The following CAMTA1 variants were observed in gnomAD, a reference collection of about 807,000 sequenced individuals.
The protein encoded by CAMTA1 is calmodulin binding transcription activator 1, also known as calmodulin-binding transcription activator 1.
A neutral mutation model predicts 170.9 loss-of-function variants in CAMTA1; 27 were observed. That is an observed-to-expected ratio of 0.16 (90% CI 0.12 to 0.22). The LOEUF is 0.22. Ranked by LOEUF, CAMTA1 falls within the 10% of genes least tolerant of loss-of-function variation. CAMTA1 has a pLI of 1.00. For synonymous variants in CAMTA1, 833 were observed against 891.5 expected (o/e 0.93, Z 1.17); for missense variants, 1,619 against 2,217.2 (o/e 0.73, Z 5.42).
rs1216032172 is a variant in CAMTA1 at position 7,668,421 on chromosome 1, ACACACACACACC to A, written c.2653-2486_2653-2475del. ...CACACACACACACACACACACACAC[ACACACACACACC>A]CACCACACACCCCAGAGGCGTCCCC... On this transcript the variant is annotated intron_variant, in intron 9 of 22. Transcript: ENST00000303635. 7.7e-3 allele frequency among the ~76,000 whole-genome samples: 1,098 copies of A among 142,728 alleles called. 15 individuals are homozygous for A. Among genetic ancestry groups the A allele is most frequent in the African/African-American group, 0.028 (1,003 of 35,744 alleles). 93.6% of individuals were successfully genotyped at this position (142,728 alleles called of 152,430 possible).
chr1:7,295,149 G>T lies in CAMTA1; in HGVS notation c.438+45523G>T, dbSNP rs566202958. Among the ~76,000 whole-genome samples the T allele has an allele frequency of 1.3e-4, 20 of 152,018 alleles. No homozygotes were observed. The South Asian group carries it at 3.5e-3, about 27-fold the overall frequency. On this transcript the variant is annotated intron_variant, in intron 5 of 22. Coordinates refer to ENST00000303635, the MANE Select transcript of CAMTA1 (RefSeq NM_015215.4). ...AGTTATGTAACCTTCTGGCTTTGGG[G>T]TTTTTTTTGTTGTAAACAGGGACCC...
intron 5 of CAMTA1, among the ~76,000 whole-genome samples, chr1:7,440,160 C>G (rs1187497804): frequency 6.6e-6 from 1 of 152,282 alleles, no homozygotes; most frequent in Non-Finnish European, 1.5e-5. Flanking sequence ...ACTGCTCCTA[C>G]CAGTGTGTCT....
At chr1:7,587,393 C>A (rs1174161840) in intron 6 of CAMTA1, among the ~76,000 whole-genome samples, 2 of 152,064 alleles carry the variant, frequency 1.3e-5, no homozygotes, top group African/African-American at 4.8e-5. Flanking sequence ...ACCCAATTAC[C>A]GGGAGTGTGG....
At chr1:7,719,052 T>A (rs1381739263) in intron 11 of CAMTA1, among the ~76,000 whole-genome samples, 2 of 152,206 alleles carry the variant, frequency 1.3e-5, no homozygotes, top group Non-Finnish European at 2.9e-5. Context: ...GACTTTAAGA[T>A]GTTCTCCTCT....
chr1:6,946,471 G>A (rs1480260454), intron 3 of CAMTA1, among the ~76,000 whole-genome samples: 2 of 152,152 alleles, frequency 1.3e-5, no homozygotes. Flanking sequence ...GGATTACAGG[G>A]ATAAGCCATC....
intron 5 of CAMTA1, among the ~76,000 whole-genome samples, chr1:7,308,198 A>G (rs1317764944): frequency 1.3e-5 from 2 of 151,944 alleles, no homozygotes; most frequent in East Asian, 3.8e-4. Flanking sequence ...GGAGTCTAAT[A>G]TCTAGTCTCT....
chr1:7,145,357 G>T (rs1159744873), intron 4 of CAMTA1, among the ~76,000 whole-genome samples: 3 of 152,138 alleles, frequency 2.0e-5, no homozygotes, highest in African/African-American at 7.2e-5. Context: ...AACTACTAAA[G>T]ACTTCAAAAA....
chr1:7,655,016 C>T (rs1177841310), intron 7 of CAMTA1, among the ~76,000 whole-genome samples: 1 of 116,932 alleles, frequency 8.6e-6, no homozygotes, highest in African/African-American at 3.4e-5. Flanking sequence ...ATACACACAC[C>T]CCTATATACA....
At chr1:7,136,717 A>C (rs2148579552) in intron 4 of CAMTA1, among the ~76,000 whole-genome samples, 1 of 152,216 alleles carries the variant, frequency 6.6e-6, no homozygotes, top group South Asian at 2.1e-4. Context: ...GCAATAGTTG[A>C]GTATCTGTTC....
rs70987362 is a variant in CAMTA1, at chr1:7,680,861, C to CCAGCAGCAGCAG, written c.2914+3139_2914+3150dup. On this transcript the variant is annotated intron_variant, in intron 11 of 22. Transcript: ENST00000303635. The surrounding 1 kb of genome is among the most constrained non-coding windows in gnomAD (Gnocchi z 4.4). ...GAGAACACGCGCGCGCGCGCGCGCG[C>CCAGCAGCAGCAG]CAGCAGCAGCAGCAGCAGCAGCTGC... Among the ~76,000 whole-genome samples the CCAGCAGCAGCAG allele has an allele frequency of 4.8e-4, 66 of 136,568 alleles. No individual in the cohort carries two copies. Among genetic ancestry groups the CCAGCAGCAGCAG allele is most frequent in the Non-Finnish European group, 8.1e-4 (50 of 61,382 alleles). The allele number at this position is 136,568 out of a possible 152,430, so 89.6% of individuals were successfully genotyped here.
intron 3 of CAMTA1, among the ~76,000 whole-genome samples, chr1:6,853,408 A>C (rs1202282904): frequency 6.6e-6 from 1 of 152,212 alleles, no homozygotes; most frequent in Non-Finnish European, 1.5e-5. Flanking sequence ...TAGTCATTAA[A>C]AGAGTAGTAA....
rs2094523802 is a variant in CAMTA1 at position 7,534,232 on chromosome 1, G to A, written c.510+66331G>A. On this transcript the variant is annotated intron_variant, in intron 6 of 22. Coordinates refer to ENST00000303635, the MANE Select transcript of CAMTA1 (RefSeq NM_015215.4). This position sits in a 1 kb window ranked among gnomAD's most constrained non-coding sequence, Gnocchi z 5.6. The stretch of plus-strand genomic sequence containing the variant: ...AGAAATCCATTAGTCTTTCCTTTCC[G>A]TGAGAAACATCATAACGTTCAGCAG... Among the ~76,000 whole-genome samples, 1 of 152,280 alleles carries A rather than the reference G, an allele frequency of 6.6e-6. No individual in the cohort carries two copies. The highest frequency in any genetic ancestry group is 1.9e-4 in the East Asian group (1 of 5,164).
intron 4 of CAMTA1, among the ~76,000 whole-genome samples, chr1:7,164,552 G>T (rs1404067374): frequency 6.6e-6 from 1 of 152,228 alleles, no homozygotes; most frequent in Non-Finnish European, 1.5e-5. Context: ...GTGTCTTGGG[G>T]TCTATGCCCG....
chr1:7,672,603 G>T (rs537007080), intron 10 of CAMTA1, among the ~76,000 whole-genome samples: 197 of 152,178 alleles, frequency 1.3e-3, no homozygotes, highest in Non-Finnish European at 1.9e-3. Flanking sequence ...TGTACTTTTA[G>T]TAGAGATGGA....
At chr1:6,917,357 C>T (rs566520733) in intron 3 of CAMTA1, among the ~76,000 whole-genome samples, 1 of 152,136 alleles carries the variant, frequency 6.6e-6, no homozygotes, top group Admixed American at 6.5e-5. Flanking sequence ...AGGAGAGAGC[C>T]AGCTGATGAG....
chr1:7,614,901 G>T lies in CAMTA1; in HGVS notation c.511-25499G>T, dbSNP rs115939263. Among the ~76,000 whole-genome samples the T allele has an allele frequency of 5.1e-3, 780 of 152,288 alleles. 8 individuals carry two copies. The highest frequency in any genetic ancestry group is 7.7e-3 in the Non-Finnish European group (524 of 68,022). Reference sequence around the variant, plus strand: ...GGCCCTTGCCCATCAGATACTGCTGGGGGGAGGGTACAGGGGTCTCCTGTT... The same window carrying T: ...GGCCCTTGCCCATCAGATACTGCTGTGGGGAGGGTACAGGGGTCTCCTGTT... On this transcript the variant is annotated intron_variant, in intron 6 of 22. Coordinates refer to ENST00000303635, the MANE Select transcript of CAMTA1 (RefSeq NM_015215.4).
At chr1:7,754,271 C>T (rs2096916795) in intron 21 of CAMTA1, among the ~76,000 whole-genome samples, 1 of 152,166 alleles carries the variant, frequency 6.6e-6, no homozygotes, top group African/African-American at 2.4e-5. Flanking sequence ...AAGAAAATTA[C>T]CTTAACACCA....
At chr1:7,413,237 G>A (rs12239681) in intron 5 of CAMTA1, among the ~76,000 whole-genome samples, 46,987 of 151,940 alleles carry the variant, frequency 0.31, 7,576 homozygotes, top group Non-Finnish European at 0.34. Flanking sequence ...TTGGTGATGC[G>A]GGCTCTTTTT....
At position 7,463,655 on chromosome 1, in the gene CAMTA1, A is replaced by G. The variant is rs1257540451; in HGVS notation, c.439-4175A>G. ...CAAGGAGAGAGAGACAGATACAGAGATAGGAAGAGAGAAACAGATGGTGGG... is the reference window on the plus strand; with the variant it reads ...CAAGGAGAGAGAGACAGATACAGAGGTAGGAAGAGAGAAACAGATGGTGGG... On this transcript the variant is annotated intron_variant, in intron 5 of 22. Transcript: ENST00000303635. This position sits in a 1 kb window ranked among gnomAD's most constrained non-coding sequence, Gnocchi z 4.7. 2.6e-5 allele frequency among the ~76,000 whole-genome samples: 4 copies of G among 152,194 alleles called. No homozygotes were observed. Among genetic ancestry groups the G allele is most frequent in the African/African-American group, 9.7e-5 (4 of 41,442 alleles).
Sources: gnomAD v4.1 joint callset for allele counts (sites outside exome capture counted in the v4.1 genomes callset) on GRCh38, gnomAD v4.1.1 for gene constraint, Gnocchi (gnomAD v3.1) non-coding constraint, MANE v1.5 for transcripts, NCBI Gene and HGNC (gene_info 2026-07-23, HGNC 2026-07-21) for gene names.